The following ZFHX3 variants were observed in gnomAD, a reference collection of about 807,000 sequenced individuals.
ZFHX3 encodes zinc finger homeobox protein 3.
A neutral mutation model predicts 279.1 loss-of-function variants in ZFHX3; 42 were observed. The observed-to-expected ratio is 0.15, with a 90% CI of 0.12 to 0.19. ZFHX3 has a LOEUF of 0.19. Among genes scored for constraint, ZFHX3 ranks in the 10% least tolerant of loss-of-function variants. The probability of loss-of-function intolerance (pLI) is 1.00; values close to 1 mark genes in which losing one functional copy is unlikely to be tolerated. For missense variants in ZFHX3, 4,981 were observed against 4,754.0 expected, an observed-to-expected ratio of 1.05 and a Z score of -1.40; for synonymous variants, 2,293 against 1,957.8, an observed-to-expected ratio of 1.17 and a Z score of -4.52.
At chr16:73,205,477 A>T (rs2011763455) in intron 5 of ZFHX3, among the ~76,000 whole-genome samples, 1 of 152,240 alleles carries the variant, frequency 6.6e-6, no homozygotes, top group Non-Finnish European at 1.5e-5. Context: ...TTGATTAAAA[A>T]TAGGAAGCGA....
chr16:73,091,072 A>C (rs1379593021), intron 8 of ZFHX3, among the ~76,000 whole-genome samples: 3 of 151,778 alleles, frequency 2.0e-5, no homozygotes, highest in Non-Finnish European at 4.4e-5. Flanking sequence ...TTAACCAGGC[A>C]TGGTGGCGGG....
At chr16:73,182,350 G>C (rs538091001) in intron 5 of ZFHX3, among the ~76,000 whole-genome samples, 2 of 152,240 alleles carry the variant, frequency 1.3e-5, no homozygotes, top group East Asian at 3.9e-4. Context: ...CCAGCTACTC[G>C]GGAGGCTGAG....
intron 1 of ZFHX3, among the ~76,000 whole-genome samples, chr16:73,763,682 A>C (rs943650786): frequency 6.6e-6 from 1 of 152,118 alleles, no homozygotes; most frequent in African/African-American, 2.4e-5. Flanking sequence ...TTATTAACAG[A>C]ATATAGCAAT....
At chr16:73,748,803 T>C (rs2053728611) in intron 1 of ZFHX3, among the ~76,000 whole-genome samples, 1 of 152,170 alleles carries the variant, frequency 6.6e-6, no homozygotes. Flanking sequence ...TTATTTATTT[T>C]TGAGACAGAG....
At position 72,798,296 on chromosome 16, in the gene ZFHX3, C is replaced by CTGT. The variant is rs1442131768; in HGVS notation, c.4383_4385dup (p.Gln1462dup). On this transcript the variant is annotated inframe_insertion, in exon 9 of 10. Transcript: ENST00000268489. The stretch of plus-strand genomic sequence containing the variant: ...CATTGGCCAGCAGGCCACCATAAAG[C>CTGT]TGTTGGATGTCAGCCTCACTCAGCT... The CTGT allele has an allele frequency of 6.2e-7, 1 of 1,614,050 alleles. No homozygotes were observed. Among genetic ancestry groups the CTGT allele is most frequent in the Admixed American group, 1.7e-5 (1 of 60,004 alleles).
At position 73,687,011 on chromosome 16, in the gene ZFHX3, A is replaced by AAT. The variant is rs58565282; in HGVS notation, c.-1607-6773_-1607-6772dup. On this transcript the variant is annotated intron_variant, in intron 1 of 17. Coordinates refer to the ZFHX3 transcript ENST00000641206. Reference sequence around the variant, plus strand: ...GAGAATATATATATATTTGCAGCTAAATATATATATATATATATATATATA... The same window carrying AAT: ...GAGAATATATATATATTTGCAGCTAAATATATATATATATATATATATATATA... 7.2e-3 allele frequency among the ~76,000 whole-genome samples: 381 copies of AAT among 52,906 alleles called. 1 individual carries two copies. The highest frequency in any genetic ancestry group is 9.2e-3 in the Non-Finnish European group (260 of 28,176). 34.7% of individuals were successfully genotyped at this position (52,906 alleles called of 152,430 possible). A position where few individuals can be genotyped will look rare whatever the true frequency, so the allele number is the denominator to read the frequency against.
At chr16:73,259,267 T>C (rs919551218) in intron 4 of ZFHX3, among the ~76,000 whole-genome samples, 34 of 152,194 alleles carry the variant, frequency 2.2e-4, no homozygotes, top group African/African-American at 7.7e-4. Flanking sequence ...GCTAAATTGC[T>C]CTCCAAAATG....
intron 3 of ZFHX3, among the ~76,000 whole-genome samples, chr16:73,368,987 T>G (rs1372318907): frequency 6.6e-6 from 1 of 152,204 alleles, no homozygotes; most frequent in Admixed American, 6.5e-5. Flanking sequence ...ACAGATACAA[T>G]GTGACCTCTG....
chr16:73,326,013 T>C (rs1430647732), intron 3 of ZFHX3, among the ~76,000 whole-genome samples: 1 of 151,642 alleles, frequency 6.6e-6, no homozygotes, highest in African/African-American at 2.4e-5. Flanking sequence ...GTGATTACAC[T>C]AAGAAGGTGG....
chr16:73,326,121 C>T (rs142410311), intron 3 of ZFHX3, among the ~76,000 whole-genome samples: 5 of 152,256 alleles, frequency 3.3e-5, no homozygotes, highest in African/African-American at 4.8e-5. Flanking sequence ...AGAGGCTGAG[C>T]GGCATGCCCA....
chr16:73,833,381 A>G (rs947211979), intron 1 of ZFHX3, among the ~76,000 whole-genome samples: 3 of 152,208 alleles, frequency 2.0e-5, no homozygotes, highest in African/African-American at 4.8e-5. Flanking sequence ...AGAATAAGTT[A>G]TCAATTCCTT....
At chr16:72,976,919 G>A (rs1371640090) in intron 1 of ZFHX3, among the ~76,000 whole-genome samples, 2 of 152,158 alleles carry the variant, frequency 1.3e-5, no homozygotes, top group African/African-American at 2.4e-5. Context: ...CGGGGGTCTC[G>A]CCTTCAGTCC....
chr16:72,827,415 T>A (rs577188205), intron 5 of ZFHX3, among the ~76,000 whole-genome samples: 22 of 152,130 alleles, frequency 1.4e-4, no homozygotes, highest in Non-Finnish European at 2.9e-4. Flanking sequence ...CTGAGGAAAA[T>A]GAGGCACAGA....
rs372337934 is a variant in ZFHX3 at position 72,958,440 on chromosome 16, C to G, written c.1706G>C (p.Arg569Pro). Reference protein sequence around the residue: ...VVFDGANRRNRLSFNSEGVRA... With the variant: ...VVFDGANRRNPLSFNSEGVRA... ...GACGCCCTCACTGTTAAAGCTTAAA[C>G]GATTCCTCCTGTTCGCACCATCAAA... is the stretch of plus-strand genomic sequence containing the variant. The change falls in exon 2 of 10, where the codon CGT becomes CCT. Residue 569 changes from arginine to proline, a missense_variant. By Grantham distance (103) the Arg-to-Pro change is moderately radical (BLOSUM62 -2). Coordinates refer to ENST00000268489, the MANE Select transcript of ZFHX3 (RefSeq NM_006885.4). The G allele has an allele frequency of 1.9e-5, 31 of 1,614,088 alleles. No individual in the cohort carries two copies. The highest frequency in any genetic ancestry group is 3.3e-4 in the Middle Eastern group (2 of 6,084).
rs1297201223 is a variant in ZFHX3 at position 73,157,465 on chromosome 16, T to TAAAAAAAAAAAAAAAA, written c.-1103-13650_-1103-13635dup. 1.8e-4 allele frequency among the ~76,000 whole-genome samples: 14 copies of TAAAAAAAAAAAAAAAA among 76,516 alleles called. 1 individual carries two copies. Among genetic ancestry groups the TAAAAAAAAAAAAAAAA allele is most frequent in the Non-Finnish European group, 9.3e-5 (4 of 42,956 alleles). 50.2% of individuals were successfully genotyped at this position (76,516 alleles called of 152,430 possible). On this transcript the variant is annotated intron_variant, in intron 5 of 17. Coordinates refer to the ZFHX3 transcript ENST00000641206. The stretch of plus-strand genomic sequence containing the variant: ...TCCTGGGTGATTTAGGAATGTTTGG[T>TAAAAAAAAAAAAAAAA]AAAAAAAAAAAAAAAAAAGGCCAGT...
intron 4 of ZFHX3, among the ~76,000 whole-genome samples, chr16:72,873,849 A>C (rs1247465164): frequency 1.3e-5 from 2 of 152,198 alleles, no homozygotes; most frequent in Admixed American, 6.5e-5. Context: ...AATCAAGAAC[A>C]TTATTCTTAA....
At chr16:73,514,033 T>C (rs1047424955) in intron 2 of ZFHX3, among the ~76,000 whole-genome samples, 1 of 152,060 alleles carries the variant, frequency 6.6e-6, no homozygotes. Flanking sequence ...CAGATCCCAA[T>C]GTGGGGAGAT....
At chr16:73,556,689 T>C (rs2020288176) in intron 2 of ZFHX3, among the ~76,000 whole-genome samples, 1 of 151,962 alleles carries the variant, frequency 6.6e-6, no homozygotes, top group African/African-American at 2.4e-5. Flanking sequence ...GGGGGTGACC[T>C]AGCTCAAGCT....
chr16:72,825,194 T>C (rs900345195), intron 5 of ZFHX3, among the ~76,000 whole-genome samples: 3 of 152,206 alleles, frequency 2.0e-5, no homozygotes, highest in Non-Finnish European at 4.4e-5. Flanking sequence ...ATCTAGAGTC[T>C]TTCCACATCA....
Sources: gnomAD v4.1 joint callset for allele counts (sites outside exome capture counted in the v4.1 genomes callset) on GRCh38, gnomAD v4.1.1 for gene constraint, MANE v1.5 for transcripts, NCBI Gene and HGNC (gene_info 2026-07-23, HGNC 2026-07-21) for gene names.